SLC38A7: variants seen among roughly 807,000 people sequenced by gnomAD.
SLC38A7 encodes solute carrier family 38 member 7, also known as sodium-coupled neutral amino acid transporter 7.
SLC38A7 carries 29 observed loss-of-function variants against 50.1 expected under a neutral mutation model. That is an observed-to-expected ratio of 0.58 (90% CI 0.43 to 0.79). The LOEUF (loss-of-function observed/expected upper bound fraction) is 0.79, where lower values mean the gene tolerates loss of function less well. Among genes scored for constraint, SLC38A7 ranks in the 30% least tolerant of loss-of-function variants. The pLI is 0.00. For synonymous variants in SLC38A7, 244 were observed against 245.9 expected (o/e 0.99, Z 0.07); for missense variants, 483 against 610.6 (o/e 0.79, Z 2.20).
rs1182354237 is a variant in SLC38A7, at chr16:58,678,237, G to A, written c.611+96C>T. On this transcript the variant is annotated intron_variant, in intron 5 of 11. Coordinates refer to ENST00000219320, the MANE Select transcript of SLC38A7 (RefSeq NM_018231.3). The surrounding 1 kb of genome is among the most constrained non-coding windows in gnomAD (Gnocchi z 4.0). The stretch of plus-strand genomic sequence containing the variant: ...CTTGCCTACTCTTGCTCCCCAAGGT[G>A]AGGTGGCATGGAGGAGCAGGGTTCC... 5 of 1,383,480 alleles carry A rather than the reference G, an allele frequency of 3.6e-6. No individual in the cohort carries two copies. The highest frequency in any genetic ancestry group is 4.8e-6 in the Non-Finnish European group (5 of 1,043,914). The allele number at this position is 1,383,480 out of a possible 1,614,324, so 85.7% of individuals were successfully genotyped here. A position where few individuals can be genotyped will look rare whatever the true frequency, so the allele number is the denominator to read the frequency against.
rs2044171748 is a variant in SLC38A7 at position 58,672,149 on chromosome 16, G to A, written c.978C>T (p.Ala326=). ...AGGTGAGCACGCTCAGGATGATGAA[G>A]GCTCGGGCAACGGCCACGGCCATGT... is the stretch of plus-strand genomic sequence containing the variant. ...SEDMAVAVAR[A]FIILSVLTSY... is the part of the protein sequence containing the mutation. Residue 326 remains alanine, a synonymous_variant, in exon 9 of 12, where the codon GCC becomes GCT. Transcript: ENST00000219320. 1 of 1,563,786 alleles carries A rather than the reference G, an allele frequency of 6.4e-7. No individual in the cohort carries two copies. The highest frequency in any genetic ancestry group is 8.7e-7 in the Non-Finnish European group (1 of 1,154,178).
At chr16:58,669,678 A>AC (rs1407046407) in intron 11 of SLC38A7, among the ~76,000 whole-genome samples, 2 of 137,952 alleles carry the variant, frequency 1.4e-5, no homozygotes, top group East Asian at 5.6e-4. Context: ...ATTAAAAAAA[A>AC]AACAACAACA....
chr16:58,676,432 C>T, intron 6 of SLC38A7, 86 bp from the exon 7 acceptor site: 2 of 1,420,542 alleles, frequency 1.4e-6, no homozygotes, highest in South Asian at 1.2e-5. Context: ...GGTCAGCCCA[C>T]CATGGTCTCC....
intron 7 of SLC38A7, 45 bp downstream of exon 7, chr16:58,676,244 G>T: frequency 6.2e-7 from 1 of 1,613,128 alleles, no homozygotes; most frequent in South Asian, 1.1e-5. Flanking sequence ...CCCAGGGTGG[G>T]GTGATCTAAG....
Position 58,672,186 on chromosome 16 carries a change from T to C in SLC38A7, c.941A>G (p.Tyr314Cys), listed in dbSNP as rs762321865. The C allele has an allele frequency of 1.0e-5, 16 of 1,574,712 alleles. No homozygotes were observed. The highest frequency in any genetic ancestry group is 1.4e-5 in the Non-Finnish European group (16 of 1,160,380). Residue 314 changes from tyrosine (Y) to cysteine (C), a missense_variant, in exon 9 of 12, where the codon TAT (tyrosine) becomes TGT (cysteine). Coordinates refer to ENST00000219320, the MANE Select transcript of SLC38A7 (RefSeq NM_018231.3). ...GGCCACGGCCATGTCCTCCGAGGGATAGGACAGGAGCACGTCAGGATCCAC... is the reference window on the plus strand; with the variant it reads ...GGCCACGGCCATGTCCTCCGAGGGACAGGACAGGAGCACGTCAGGATCCAC... ...AAVDPDVLLS[Y>C]PSEDMAVAVA...
At position 58,665,189 on chromosome 16, in the gene SLC38A7, G is replaced by A. The variant is rs1424556812; in HGVS notation, c.*2196C>T. ...TAGAAAAGAAACAGTGAAGTACCCC[G>A]ATAGGGAGGGTGGGGAGAGGATGGG... is the stretch of plus-strand genomic sequence containing the variant. On this transcript the variant is annotated 3_prime_UTR_variant, in exon 12 of 12. Coordinates refer to ENST00000219320, the MANE Select transcript of SLC38A7 (RefSeq NM_018231.3). 4 of 152,378 alleles carry A rather than the reference G, an allele frequency of 2.6e-5. No individual in the cohort carries two copies. Among genetic ancestry groups the A allele is most frequent in the Admixed American group, 2.0e-4 (3 of 15,278 alleles). 9.4% of individuals were successfully genotyped at this position (152,378 alleles called of 1,614,324 possible).
At position 58,675,937 on chromosome 16, in the gene SLC38A7, C is replaced by A. The variant is rs747289144; in HGVS notation, c.883+3G>T. 6.2e-7 allele frequency: 1 copy of A among 1,602,920 alleles called. No individual in the cohort carries two copies. Among genetic ancestry groups the A allele is most frequent in the Non-Finnish European group, 8.5e-7 (1 of 1,173,136 alleles). ...CCAGGTCTTGGGGGGGGGGAGCACT[C>A]ACCTGTCCCCATGTAGACAGCGAGG... On this transcript the variant is annotated splice_donor_region_variant and intron_variant, in intron 8 of 11. Coordinates refer to ENST00000219320, the MANE Select transcript of SLC38A7 (RefSeq NM_018231.3).
chr16:58,676,845 G>A (rs931503490), intron 6 of SLC38A7, among the ~76,000 whole-genome samples: 2 of 151,908 alleles, frequency 1.3e-5, no homozygotes, highest in Non-Finnish European at 2.9e-5. Flanking sequence ...AAGTAGAGAC[G>A]GGGTTTCACC....
rs1491383109 is a variant in SLC38A7 at position 58,675,921 on chromosome 16, G to GT, written c.883+18_883+19insA. 2 of 400,260 alleles carry GT rather than the reference G, an allele frequency of 5.0e-6. No individual in the cohort carries two copies. The highest frequency in any genetic ancestry group is 6.3e-6 in the Non-Finnish European group (2 of 316,336). The allele number at this position is 400,260 out of a possible 1,614,324, so 24.8% of individuals were successfully genotyped here. A position where few individuals can be genotyped will look rare whatever the true frequency, so the allele number is the denominator to read the frequency against. Reference sequence around the variant, plus strand: ...TGAGAGCACTCTAGTCCCAGGTCTTGGGGGGGGGGAGCACTCACCTGTCCC... The same window carrying GT: ...TGAGAGCACTCTAGTCCCAGGTCTTGTGGGGGGGGGAGCACTCACCTGTCCC... On this transcript the variant is annotated intron_variant, in intron 8 of 11. Transcript: ENST00000219320.
rs1291367753 is a variant in SLC38A7, at chr16:58,667,383, G to A, written c.*2C>T. 1.6e-5 allele frequency: 26 copies of A among 1,613,852 alleles called. No individual in the cohort carries two copies. In the East Asian group the frequency reaches 5.6e-4, roughly 35 times the overall value. On this transcript the variant is annotated 3_prime_UTR_variant, in exon 12 of 12. Transcript: ENST00000219320. ...GGCCTTGTGTTCCCTGGGAGGCAGT[G>A]GTTATGCCAAGAGATCCACAAAGAT...
In SLC38A7 at chr16:58,670,971, T is replaced by G. The variant is rs1597665068; in HGVS notation, c.1231+74A>C. The G allele has an allele frequency of 2.7e-6, 4 of 1,497,576 alleles. No individual in the cohort carries two copies. The East Asian group carries it at 9.9e-5, about 37-fold the overall frequency. 92.8% of individuals were successfully genotyped at this position (1,497,576 alleles called of 1,614,324 possible). ...CTCTCTCCTGCATGTTTTGAGCAAG[T>G]AGGGAGCTGAGGCTAGGCAGGCCCT... On this transcript the variant is annotated intron_variant, in intron 10 of 11. Coordinates refer to ENST00000219320, the MANE Select transcript of SLC38A7 (RefSeq NM_018231.3).
At chr16:58,682,091 A>G (rs532653625) in intron 2 of SLC38A7, among the ~76,000 whole-genome samples, 10 of 152,242 alleles carry the variant, frequency 6.6e-5, no homozygotes, top group Middle Eastern at 3.4e-3. Flanking sequence ...TAGGAGACAG[A>G]GTTTGCAGTG....
Position 58,678,483 on chromosome 16 carries a change from G to A in SLC38A7, c.470-9C>T. On this transcript the variant is annotated splice_polypyrimidine_tract_variant and intron_variant, in intron 4 of 11. Transcript: ENST00000219320. The surrounding 1 kb of genome is among the most constrained non-coding windows in gnomAD (Gnocchi z 4.0). ...CGCCATCACAGCTATAACTGCACAG[G>A]GAGGAAGGAGGGAATGTCAAGCCAG... 6.5e-7 allele frequency: 1 copy of A among 1,547,432 alleles called. No individual in the cohort carries two copies. The highest frequency in any genetic ancestry group is 8.7e-7 in the Non-Finnish European group (1 of 1,144,382).
At chr16:58,683,328 T>C (rs1292875176) in intron 2 of SLC38A7, among the ~76,000 whole-genome samples, 1 of 152,152 alleles carries the variant, frequency 6.6e-6, no homozygotes, top group Non-Finnish European at 1.5e-5. Flanking sequence ...CTACTTCCCA[T>C]TGCTCCTCCT....
intron 10 of SLC38A7, 33 bp from the exon 11 acceptor site, chr16:58,670,200 G>A (rs770996842): frequency 3.1e-6 from 5 of 1,609,206 alleles, no homozygotes; most frequent in Non-Finnish European, 4.3e-6. Flanking sequence ...GAGCATTTGT[G>A]AGGGGAGAGG....
At chr16:58,674,909 C>T (rs1045383749) in intron 8 of SLC38A7, among the ~76,000 whole-genome samples, 4 of 152,064 alleles carry the variant, frequency 2.6e-5, no homozygotes, top group Non-Finnish European at 4.4e-5. Flanking sequence ...CACCTTTCCC[C>T]GAACCACCCC....
intron 11 of SLC38A7, 140 bp downstream of exon 11, chr16:58,669,971 GCT>G: frequency 1.4e-6 from 1 of 705,960 alleles, no homozygotes; most frequent in Non-Finnish European, 2.2e-6. Context: ...CGAGACTCCG[GCT>G]CAAAAAAAAA....
At chr16:58,668,669 C>A in intron 11 of SLC38A7, among the ~76,000 whole-genome samples, 1 of 131,850 alleles carries the variant, frequency 7.6e-6, no homozygotes, top group African/African-American at 2.9e-5. Context: ...GAGCAGAGAT[C>A]GCGCCATTGC....
intron 10 of SLC38A7, among the ~76,000 whole-genome samples, chr16:58,670,733 T>A (rs1268742150): frequency 3.3e-5 from 5 of 152,152 alleles, no homozygotes; most frequent in African/African-American, 1.2e-4. Flanking sequence ...CCTGAATGAA[T>A]GGTTAAAAGA....
Sources: gnomAD v4.1 joint callset for allele counts (sites outside exome capture counted in the v4.1 genomes callset) on GRCh38, gnomAD v4.1.1 for gene constraint, Gnocchi (gnomAD v3.1) non-coding constraint, MANE v1.5 for transcripts, NCBI Gene and HGNC (gene_info 2026-07-23, HGNC 2026-07-21) for gene names.